Variants in MGAT4C observed in about 807,000 individuals in gnomAD.
MGAT4C encodes the protein alpha-1,3-mannosyl-glycoprotein 4-beta-N-acetylglucosaminyltransferase C.
Under a neutral mutation model 40.1 loss-of-function variants are expected in MGAT4C, and 19 were observed. The observed-to-expected ratio is 0.47, with a 90% CI of 0.33 to 0.70. The LOEUF (loss-of-function observed/expected upper bound fraction) is 0.70. Ranked by LOEUF, MGAT4C falls within the 30% of genes least tolerant of loss-of-function variation. MGAT4C has a pLI of 0.02. For synonymous variants in MGAT4C, 181 were observed against 187.1 expected (o/e 0.97, Z 0.27); for missense variants, 491 against 563.2 (o/e 0.87, Z 1.30).
At chr12:86,246,179 C>CTTTTTTTTTTTTTTT (rs57004605) in intron 1 of MGAT4C, among the ~76,000 whole-genome samples, 14 of 70,126 alleles carry the variant, frequency 2.0e-4, no homozygotes, top group Non-Finnish European at 3.2e-4. Flanking sequence ...TGTACCATTG[C>CTTTTTTTTTTTTTTT]TTTTTTTTTT....
chr12:86,296,491 T>C (rs1008534686), intron 4 of MGAT4C, among the ~76,000 whole-genome samples: 1 of 152,082 alleles, frequency 6.6e-6, no homozygotes, highest in African/African-American at 2.4e-5. Context: ...GCACAGGAAC[T>C]CATGGAGGTG....
intron 2 of MGAT4C, among the ~76,000 whole-genome samples, chr12:86,624,274 GAC>G (rs1299512544): frequency 1.3e-5 from 2 of 152,140 alleles, no homozygotes; most frequent in Admixed American, 6.6e-5. Flanking sequence ...ATCTAAAGTT[GAC>G]ACATACAGGG....
At chr12:86,802,540 T>C (rs1234924436) in intron 1 of MGAT4C, among the ~76,000 whole-genome samples, 1 of 152,054 alleles carries the variant, frequency 6.6e-6, no homozygotes, top group Admixed American at 6.6e-5. Flanking sequence ...TGCTATTCTA[T>C]ATTTTAATAA....
At chr12:86,340,124 A>G (rs752238077) in intron 3 of MGAT4C, among the ~76,000 whole-genome samples, 1 of 152,196 alleles carries the variant, frequency 6.6e-6, no homozygotes, top group Non-Finnish European at 1.5e-5. Flanking sequence ...GCTTTTATAA[A>G]TAACAGAAGA....
At chr12:86,281,768 G>C (rs1953224799) in intron 4 of MGAT4C, among the ~76,000 whole-genome samples, 1 of 151,958 alleles carries the variant, frequency 6.6e-6, no homozygotes, top group Non-Finnish European at 1.5e-5. Context: ...ATGCAGTACT[G>C]TTTGTGGTAG....
At chr12:86,299,886 A>G (rs533971639) in intron 4 of MGAT4C, among the ~76,000 whole-genome samples, 1 of 152,358 alleles carries the variant, frequency 6.6e-6, no homozygotes, top group East Asian at 1.9e-4. Flanking sequence ...CTGTGTCAGA[A>G]AATCAAGTGG....
At chr12:86,260,988 A>G (rs1952646346), upstream of MGAT4C, among the ~76,000 whole-genome samples, 1 of 152,032 alleles carries the variant, frequency 6.6e-6, no homozygotes, top group Admixed American at 6.6e-5. Context: ...ATAGCTACTC[A>G]AATGAAGGTT....
chr12:86,687,048 G>C (rs1006825890), intron 2 of MGAT4C, among the ~76,000 whole-genome samples: 11 of 152,126 alleles, frequency 7.2e-5, no homozygotes, highest in Admixed American at 2.6e-4. Context: ...TCAGGGATTT[G>C]ACTTCTTCCT....
intron 1 of MGAT4C, among the ~76,000 whole-genome samples, chr12:86,830,848 A>G (rs1004114960): frequency 2.0e-5 from 3 of 151,800 alleles, no homozygotes; most frequent in Non-Finnish European, 4.4e-5. Flanking sequence ...TTTATGTGCA[A>G]TTGTAGCCCC....
intron 3 of MGAT4C, among the ~76,000 whole-genome samples, chr12:86,336,102 G>T (rs1345958508): frequency 1.3e-5 from 2 of 152,076 alleles, no homozygotes; most frequent in Non-Finnish European, 2.9e-5. Context: ...TTAATACCAT[G>T]TAAGTGTTAT....
At chr12:86,454,204 A>C (rs1957472211) in intron 2 of MGAT4C, among the ~76,000 whole-genome samples, 1 of 152,246 alleles carries the variant, frequency 6.6e-6, no homozygotes, top group East Asian at 1.9e-4. Flanking sequence ...ACAATTATTG[A>C]TATGTCATAA....
chr12:86,218,537 C>G (rs1412955384), intron 1 of MGAT4C, among the ~76,000 whole-genome samples: 1 of 151,936 alleles, frequency 6.6e-6, no homozygotes, highest in African/African-American at 2.4e-5. Flanking sequence ...TAATGCTAAA[C>G]CTTTTTTGAG....
At position 85,976,809 on chromosome 12, in the gene MGAT4C, A is replaced by G. The variant is rs888355820; in HGVS notation, c.*2480T>C. Reference sequence around the variant, plus strand: ...TCTATGCCTCTGAGACAAGATTACTAGACCCTTATTCAAAGTTTCTAAATA... The same window carrying G: ...TCTATGCCTCTGAGACAAGATTACTGGACCCTTATTCAAAGTTTCTAAATA... On this transcript the variant is annotated 3_prime_UTR_variant, in exon 5 of 5. Coordinates refer to ENST00000611864, the MANE Select transcript of MGAT4C (RefSeq NM_001351288.2). 6.6e-6 allele frequency: 1 copy of G among 150,636 alleles called. No individual in the cohort carries two copies. Among genetic ancestry groups the G allele is most frequent in the African/African-American group, 2.4e-5 (1 of 41,252 alleles). The allele number at this position is 150,636 out of a possible 1,614,324, so 9.3% of individuals were successfully genotyped here.
intron 1 of MGAT4C, among the ~76,000 whole-genome samples, chr12:86,733,424 A>AAAACAAACAAAC (rs528730046): frequency 6.6e-6 from 1 of 151,992 alleles, no homozygotes; most frequent in African/African-American, 2.4e-5. Context: ...CAAGAAGAGC[A>AAAACAAACAAAC]AAACAAACAA....
At chr12:86,659,176 T>C (rs1326954294) in intron 2 of MGAT4C, among the ~76,000 whole-genome samples, 1 of 152,104 alleles carries the variant, frequency 6.6e-6, no homozygotes, top group African/African-American at 2.4e-5. Flanking sequence ...GCACTTTTTT[T>C]TCACTTAACA....
chr12:86,607,338 A>C (rs1962077058), intron 2 of MGAT4C, among the ~76,000 whole-genome samples: 1 of 152,230 alleles, frequency 6.6e-6, no homozygotes, highest in South Asian at 2.1e-4. Flanking sequence ...GTATAAAAAT[A>C]GTGCTCAATG....
chr12:86,499,193 G>A (rs902495201), intron 2 of MGAT4C, among the ~76,000 whole-genome samples: 1 of 151,660 alleles, frequency 6.6e-6, no homozygotes, highest in Non-Finnish European at 1.5e-5. Context: ...GTTGTGTTAC[G>A]GTGGGGTTAA....
At chr12:86,482,424 G>A (rs1009188645) in intron 2 of MGAT4C, among the ~76,000 whole-genome samples, 1 of 151,928 alleles carries the variant, frequency 6.6e-6, no homozygotes, top group Non-Finnish European at 1.5e-5. Flanking sequence ...ACTTGAAAAA[G>A]TTGACACATT....
chr12:86,690,733 G>T (rs931753877), intron 2 of MGAT4C, among the ~76,000 whole-genome samples: 2 of 152,096 alleles, frequency 1.3e-5, no homozygotes, highest in Non-Finnish European at 2.9e-5. Context: ...GCAGACCGGA[G>T]CTGTTCCTAT....
Sources: gnomAD v4.1 joint callset for allele counts (sites outside exome capture counted in the v4.1 genomes callset) on GRCh38, gnomAD v4.1.1 for gene constraint, MANE v1.5 for transcripts, NCBI Gene and HGNC (gene_info 2026-07-23, HGNC 2026-07-21) for gene names.